FCHO2: variants seen among roughly 807,000 people sequenced by gnomAD.
The protein encoded by FCHO2 is F-BAR domain only protein 2.
FCHO2 carries 43 observed loss-of-function variants against 114.1 expected under a neutral mutation model. The observed-to-expected ratio is 0.38, with a 90% CI of 0.30 to 0.49. The LOEUF is 0.49. Ranked by LOEUF, FCHO2 falls within the 20% of genes least tolerant of loss-of-function variation. FCHO2 has a pLI of 0.97. For missense variants in FCHO2, 807 were observed against 950.4 expected, an observed-to-expected ratio of 0.85 and a Z score of 1.98; for synonymous variants, 293 against 315.2, an observed-to-expected ratio of 0.93 and a Z score of 0.75.
intron 22 of FCHO2, among the ~76,000 whole-genome samples, chr5:73,080,198 C>T (rs1580210891): frequency 6.6e-6 from 1 of 152,164 alleles, no homozygotes; most frequent in South Asian, 2.1e-4. Flanking sequence ...AAAGATGCTT[C>T]ATGTCAGTAG....
intron 5 of FCHO2, chr5:72,997,536 C>G: frequency 7.4e-7 from 1 of 1,344,148 alleles, no homozygotes; most frequent in East Asian, 2.3e-5. Context: ...TTCAGTGACC[C>G]CAGTGACACA....
At chr5:72,997,606 C>A in intron 5 of FCHO2, 1 of 1,392,718 alleles carries the variant, frequency 7.2e-7, no homozygotes, top group Non-Finnish European at 1.0e-6. Flanking sequence ...ATGTTCGTTC[C>A]GTGCTGAGCC....
chr5:73,019,884 G>A (rs1307895667), intron 8 of FCHO2, among the ~76,000 whole-genome samples: 1 of 152,156 alleles, frequency 6.6e-6, no homozygotes, highest in Non-Finnish European at 1.5e-5. Flanking sequence ...AGCCATGTAG[G>A]TAAAAGTTGA....
chr5:72,956,873 T>A (rs973436175), intron 1 of FCHO2, among the ~76,000 whole-genome samples: 1 of 151,740 alleles, frequency 6.6e-6, no homozygotes, highest in Non-Finnish European at 1.5e-5. Flanking sequence ...CGGCTCCCGG[T>A]GGAGTATTTT....
At chr5:72,999,378 CTTTTTTTTTTTTT>C (rs762347449) in intron 5 of FCHO2, among the ~76,000 whole-genome samples, 4 of 100,562 alleles carry the variant, frequency 4.0e-5, no homozygotes, top group Non-Finnish European at 7.4e-5. Context: ...ATTCACAGGC[CTTTTTTTTTTTTT>C]TTTTTTTTTA....
At chr5:73,002,415 A>G (rs1754493858) in intron 5 of FCHO2, among the ~76,000 whole-genome samples, 1 of 152,174 alleles carries the variant, frequency 6.6e-6, no homozygotes, top group African/African-American at 2.4e-5. Context: ...ATAAGTAGTA[A>G]TGTTCCTCCA....
intron 8 of FCHO2, among the ~76,000 whole-genome samples, chr5:73,034,066 A>C (rs1179211212): frequency 6.6e-6 from 1 of 152,210 alleles, no homozygotes; most frequent in African/African-American, 2.4e-5. Flanking sequence ...CCTGCTATAC[A>C]GTTAGAGAGA....
chr5:72,972,382 A>G (rs1427491169), intron 2 of FCHO2, among the ~76,000 whole-genome samples: 1 of 151,980 alleles, frequency 6.6e-6, no homozygotes, highest in Non-Finnish European at 1.5e-5. Context: ...TTCCTTGAGC[A>G]GTGGTTTGTA....
chr5:73,052,034 A>G (rs1757362050), intron 12 of FCHO2, among the ~76,000 whole-genome samples: 1 of 151,856 alleles, frequency 6.6e-6, no homozygotes, highest in Admixed American at 6.6e-5. Context: ...AGTGATTCTC[A>G]TGCCTCAGCC....
Position 73,036,667 on chromosome 5 carries a change from C to T in FCHO2, c.842-476C>T, listed in dbSNP as rs114794301. Among the ~76,000 whole-genome samples, 681 of 152,252 alleles carry T rather than the reference C, an allele frequency of 4.5e-3. 3 individuals carry two copies. The highest frequency in any genetic ancestry group is 0.016 in the African/African-American group (648 of 41,556). ...CTGGGATTATAGGCATGCATCACTG[C>T]ACCTGGCCCCATATTATACTTCTAA... On this transcript the variant is annotated intron_variant, in intron 9 of 25. Transcript: ENST00000430046.
intron 8 of FCHO2, among the ~76,000 whole-genome samples, chr5:73,021,573 G>A (rs1243318395): frequency 6.6e-6 from 1 of 152,022 alleles, no homozygotes; most frequent in African/African-American, 2.4e-5. Flanking sequence ...TGTGTTGAAT[G>A]AATGAACTCT....
chr5:73,047,633 C>A (rs1423549842), intron 11 of FCHO2, among the ~76,000 whole-genome samples: 1 of 151,538 alleles, frequency 6.6e-6, no homozygotes, highest in East Asian at 1.9e-4. Flanking sequence ...TTCTAGAACC[C>A]CCTGAGGATA....
chr5:72,960,197 C>T (rs1367317353), intron 1 of FCHO2, among the ~76,000 whole-genome samples: 1 of 152,236 alleles, frequency 6.6e-6, no homozygotes, highest in East Asian at 1.9e-4. Context: ...TTGAAACTCT[C>T]TTCAAGCTCT....
In FCHO2 at chr5:73,045,527, A is replaced by C. The variant is rs141630630; in HGVS notation, c.939+4212A>C. On this transcript the variant is annotated intron_variant, in intron 11 of 25. Transcript: ENST00000430046. ...TTGTAGGACATTTTGGTTGTTTTTCAATTTTTGGCTATTAGAAATAAAGTT... is the reference window on the plus strand; with the variant it reads ...TTGTAGGACATTTTGGTTGTTTTTCCATTTTTGGCTATTAGAAATAAAGTT... 2.2e-3 allele frequency among the ~76,000 whole-genome samples: 333 copies of C among 152,234 alleles called. 3 individuals carry two copies. The highest frequency in any genetic ancestry group is 0.02 in the Admixed American group (304 of 15,288).
chr5:73,068,814 G>A (rs1460078663), intron 19 of FCHO2, 35 bp downstream of exon 19: 5 of 1,597,924 alleles, frequency 3.1e-6, no homozygotes, highest in Non-Finnish European at 4.3e-6. Flanking sequence ...GTGAAATGTA[G>A]TGTACAAAGT....
chr5:73,085,993 G>A (rs1274015824), intron 24 of FCHO2, among the ~76,000 whole-genome samples: 1 of 151,468 alleles, frequency 6.6e-6, no homozygotes, highest in Non-Finnish European at 1.5e-5. Context: ...ATGGTGGTGT[G>A]CGCCTGTAAT....
In FCHO2 at chr5:73,006,486, CTA is replaced by C. The variant is rs1754721963; in HGVS notation, c.539_540del (p.Tyr180CysfsTer10). The C allele has an allele frequency of 3.8e-6, 6 of 1,577,080 alleles. No individual in the cohort carries two copies. Among genetic ancestry groups the C allele is most frequent in the Non-Finnish European group, 5.1e-6 (6 of 1,165,550 alleles). On this transcript the variant is annotated frameshift_variant, in exon 6 of 26. Transcript: ENST00000430046. LOFTEE classifies it high-confidence loss of function. The part of the protein sequence containing the change: ...SKKATDTYKL[Y>X]VEKYALAKAD... ...AGAAAGCTACAGATACCTATAAACTCTATGTGGAAAAATATGCATTAGCAAAA... is the reference window on the plus strand; with the variant it reads ...AGAAAGCTACAGATACCTATAAACTCTGTGGAAAAATATGCATTAGCAAAA...
chr5:73,069,580 C>G (rs987494159), intron 19 of FCHO2, among the ~76,000 whole-genome samples: 3 of 151,960 alleles, frequency 2.0e-5, no homozygotes, highest in African/African-American at 7.2e-5. Flanking sequence ...CGCTGCTGAT[C>G]TGACTGGAGG....
intron 5 of FCHO2, chr5:72,997,153 G>C: frequency 9.0e-7 from 1 of 1,105,792 alleles, no homozygotes; most frequent in Non-Finnish European, 1.4e-6. Flanking sequence ...ATGGGGTCCT[G>C]AGGCTCACAG....
Sources: gnomAD v4.1 joint callset for allele counts (sites outside exome capture counted in the v4.1 genomes callset) on GRCh38, gnomAD v4.1.1 for gene constraint, MANE v1.5 for transcripts, NCBI Gene and HGNC (gene_info 2026-07-23, HGNC 2026-07-21) for gene names.